CDYL2: variants seen among roughly 807,000 people sequenced by gnomAD.
CDYL2 encodes the protein chromodomain Y-like protein 2.
A neutral mutation model predicts 49.4 loss-of-function variants in CDYL2; 23 were observed. The observed-to-expected ratio is 0.47, with a 90% CI of 0.34 to 0.66. The LOEUF is 0.66. Ranked by LOEUF, CDYL2 falls within the 30% of genes least tolerant of loss-of-function variation. The probability of loss-of-function intolerance (pLI) is 0.01; values close to 1 mark genes in which losing one functional copy is unlikely to be tolerated. For synonymous variants in CDYL2, 360 were observed against 268.8 expected, an observed-to-expected ratio of 1.34 and a Z score of -3.32; for missense variants, 678 against 656.4, an observed-to-expected ratio of 1.03 and a Z score of -0.36.
chr16:80,781,931 C>A (rs1215730992), intron 1 of CDYL2, among the ~76,000 whole-genome samples: 1 of 151,214 alleles, frequency 6.6e-6, no homozygotes, highest in Admixed American at 6.6e-5. Flanking sequence ...CAGGTGTAAA[C>A]ACCTACATTA....
chr16:80,797,169 T>C (rs1031743507), intron 1 of CDYL2, among the ~76,000 whole-genome samples: 2 of 152,190 alleles, frequency 1.3e-5, no homozygotes, highest in Non-Finnish European at 2.9e-5. Flanking sequence ...CCTATCGCCA[T>C]GTCAAATAGT....
intron 1 of CDYL2, among the ~76,000 whole-genome samples, chr16:80,780,745 C>A (rs1035676285): frequency 6.6e-6 from 1 of 152,102 alleles, no homozygotes; most frequent in Non-Finnish European, 1.5e-5. Flanking sequence ...AAATTGTCCA[C>A]ATCATTTCGA....
chr16:80,661,833 G>A (rs1167211905), intron 2 of CDYL2, among the ~76,000 whole-genome samples: 1 of 152,176 alleles, frequency 6.6e-6, no homozygotes, highest in African/African-American at 2.4e-5. Context: ...CTACCAGACT[G>A]TGGCCTCTTG....
intron 1 of CDYL2, among the ~76,000 whole-genome samples, chr16:80,794,213 G>C (rs1001443012): frequency 6.6e-6 from 1 of 152,144 alleles, no homozygotes; most frequent in East Asian, 1.9e-4. Context: ...ATGATACAAA[G>C]TGTTACACAT....
chr16:80,642,761 T>C (rs1300255365), intron 2 of CDYL2, among the ~76,000 whole-genome samples: 2 of 152,144 alleles, frequency 1.3e-5, no homozygotes. Context: ...ATGAGACTTA[T>C]TCACTACTAT....
rs530444767 is a variant in CDYL2, at chr16:80,713,982, G to A, written c.25-28853C>T. ...AGACGGGTCAGCTGCCAGCCTTCAG[G>A]TCTTCCCAGCAGAGGTGCCGAACAT... On this transcript the variant is annotated intron_variant, in intron 1 of 6. Coordinates refer to ENST00000570137, the MANE Select transcript of CDYL2 (RefSeq NM_152342.4). Among the ~76,000 whole-genome samples the A allele has an allele frequency of 7.9e-5, 12 of 152,240 alleles. No individual in the cohort carries two copies. In the South Asian group the frequency reaches 2.5e-3, roughly 32 times the overall value.
chr16:80,769,934 G>C (rs1368599716), intron 1 of CDYL2, among the ~76,000 whole-genome samples: 1 of 152,004 alleles, frequency 6.6e-6, no homozygotes, highest in East Asian at 1.9e-4. Flanking sequence ...AAGAATAAGA[G>C]GACTACACAA....
At chr16:80,759,480 G>C (rs890829955) in intron 1 of CDYL2, among the ~76,000 whole-genome samples, 9 of 152,110 alleles carry the variant, frequency 5.9e-5, no homozygotes, top group Admixed American at 3.3e-4. Context: ...CTATCGATGA[G>C]TCATGACCAA....
At chr16:80,648,716 C>T (rs1164825602) in intron 2 of CDYL2, among the ~76,000 whole-genome samples, 3 of 151,834 alleles carry the variant, frequency 2.0e-5, no homozygotes, top group South Asian at 2.1e-4. Context: ...AAACTACTGG[C>T]CAGCATCTCT....
chr16:80,616,929 C>A (rs1271683118), intron 4 of CDYL2, among the ~76,000 whole-genome samples: 1 of 152,164 alleles, frequency 6.6e-6, no homozygotes, highest in Non-Finnish European at 1.5e-5. Flanking sequence ...CATGACATAC[C>A]CAAAGCTCCA....
chr16:80,633,186 T>G lies in CDYL2; in HGVS notation c.667A>C (p.Lys223Gln). 6.2e-7 allele frequency: 1 copy of G among 1,614,218 alleles called. No individual in the cohort carries two copies. Among genetic ancestry groups the G allele is most frequent in the Non-Finnish European group, 8.5e-7 (1 of 1,180,020 alleles). ...GLNLHSPVKR[K>Q]LEAEKDYVFD... ...ACGTAGTCCTTCTCCGCTTCCAGCT[T>G]CCTCTTCACTGGACTGTGCAGGTTC... The change falls in exon 3 of 7, where the codon AAG becomes CAG. Residue 223 changes from lysine (K) to glutamine (Q), a missense_variant. By Grantham distance (53) the Lys-to-Gln change is moderately conservative (BLOSUM62 1). Coordinates refer to ENST00000570137, the MANE Select transcript of CDYL2 (RefSeq NM_152342.4).
intron 1 of CDYL2, among the ~76,000 whole-genome samples, chr16:80,768,330 C>G (rs1906793819): frequency 6.6e-6 from 1 of 152,244 alleles, no homozygotes; most frequent in Non-Finnish European, 1.5e-5. Flanking sequence ...ATCACTATCC[C>G]CAACATCAAC....
chr16:80,612,486 GGT>G lies in CDYL2; in HGVS notation c.1218+138_1218+139del. The G allele has an allele frequency of 1.4e-6, 1 of 739,294 alleles. No homozygotes were observed. The highest frequency in any genetic ancestry group is 2.2e-6 in the Non-Finnish European group (1 of 451,828). 45.8% of individuals were successfully genotyped at this position (739,294 alleles called of 1,614,324 possible). A position where few individuals can be genotyped will look rare whatever the true frequency, so the allele number is the denominator to read the frequency against. ...CCGGGCTACTCCATCTGGCACTGAA[GGT>G]GTGAAGGACATGAGGCAGCCAAGCC... On this transcript the variant is annotated intron_variant, in intron 5 of 6. Transcript: ENST00000570137. This position sits in a 1 kb window ranked among gnomAD's most constrained non-coding sequence, Gnocchi z 5.0.
intron 2 of CDYL2, among the ~76,000 whole-genome samples, chr16:80,665,362 AG>A (rs1909217161): frequency 6.6e-6 from 1 of 152,092 alleles, no homozygotes; most frequent in African/African-American, 2.4e-5. Context: ...TTCTTCCCAC[AG>A]GAATATGAGT....
At chr16:80,698,159 T>A (rs956043144) in intron 1 of CDYL2, among the ~76,000 whole-genome samples, 37 of 152,070 alleles carry the variant, frequency 2.4e-4, no homozygotes, top group African/African-American at 7.5e-4. Context: ...TAAAAATCTG[T>A]AGTAACCAAA....
chr16:80,705,443 C>A (rs961100688), intron 1 of CDYL2, among the ~76,000 whole-genome samples: 2 of 152,228 alleles, frequency 1.3e-5, no homozygotes, highest in African/African-American at 2.4e-5. Context: ...GAACCCACTG[C>A]TTCCTTCTAG....
chr16:80,659,550 A>C (rs1043669330), intron 2 of CDYL2, among the ~76,000 whole-genome samples: 6 of 151,934 alleles, frequency 3.9e-5, no homozygotes, highest in Non-Finnish European at 8.8e-5. Context: ...TATAGTCTAC[A>C]CTCAGATGGT....
At chr16:80,703,007 A>C (rs929072922) in intron 1 of CDYL2, among the ~76,000 whole-genome samples, 5 of 152,196 alleles carry the variant, frequency 3.3e-5, no homozygotes, top group Non-Finnish European at 5.9e-5. Context: ...TTATTAGAGT[A>C]TTAGCTCAAT....
At chr16:80,786,331 G>A (rs1907435000) in intron 1 of CDYL2, among the ~76,000 whole-genome samples, 1 of 152,136 alleles carries the variant, frequency 6.6e-6, no homozygotes, top group Non-Finnish European at 1.5e-5. Context: ...CTCAAAAGAA[G>A]ACATTTATGC....
Sources: allele counts gnomAD v4.1 joint callset (sites outside exome capture counted in the v4.1 genomes callset), GRCh38; gene constraint gnomAD v4.1.1; non-coding constraint Gnocchi (gnomAD v3.1); transcripts MANE v1.5; gene names NCBI Gene and HGNC (gene_info 2026-07-23, HGNC 2026-07-21).